Variants in SLC9A9 observed in about 807,000 individuals in gnomAD.
SLC9A9 encodes the protein solute carrier family 9 member A9.
A neutral mutation model predicts 77.8 loss-of-function variants in SLC9A9; 62 were observed. That is an observed-to-expected ratio of 0.80 (90% CI 0.65 to 0.98). SLC9A9 has a LOEUF of 0.98. SLC9A9 is among the 50% of genes least tolerant of loss of function. The pLI is 0.00. For missense variants in SLC9A9, 775 were observed against 774.9 expected, an observed-to-expected ratio of 1.00 and a Z score of 0.00; for synonymous variants, 320 against 283.5, an observed-to-expected ratio of 1.13 and a Z score of -1.29.
chr3:143,684,209 T>G (rs1486818816), intron 5 of SLC9A9, among the ~76,000 whole-genome samples: 1 of 152,030 alleles, frequency 6.6e-6, no homozygotes, highest in Non-Finnish European at 1.5e-5. Flanking sequence ...CAGAACTCAA[T>G]GGGCCTTTTA....
In SLC9A9 at chr3:143,753,059, A is replaced by G. The variant is rs201526677; in HGVS notation, c.533+41942T>C. On this transcript the variant is annotated intron_variant, in intron 4 of 15. Coordinates refer to ENST00000316549, the MANE Select transcript of SLC9A9 (RefSeq NM_173653.4). ...CAGCCAATGAAAAGATTAAAATCAGAGCAGGAGGAATGCTTTATTTACACT... is the reference window on the plus strand; with the variant it reads ...CAGCCAATGAAAAGATTAAAATCAGGGCAGGAGGAATGCTTTATTTACACT... 2.0e-5 allele frequency among the ~76,000 whole-genome samples: 3 copies of G among 152,344 alleles called. No individual in the cohort carries two copies. The East Asian group carries it at 5.8e-4, about 29-fold the overall frequency.
intron 6 of SLC9A9, among the ~76,000 whole-genome samples, chr3:143,586,957 C>G (rs2037550535): frequency 6.6e-6 from 1 of 152,200 alleles, no homozygotes; most frequent in Non-Finnish European, 1.5e-5. Flanking sequence ...GGGGAAACAT[C>G]AATTAACTCT....
At chr3:143,318,067 G>C (rs984074357) in intron 14 of SLC9A9, among the ~76,000 whole-genome samples, 10 of 152,142 alleles carry the variant, frequency 6.6e-5, no homozygotes, top group Non-Finnish European at 1.2e-4. Flanking sequence ...CTGTTTGGAG[G>C]CCTTTGCATC....
intron 13 of SLC9A9, among the ~76,000 whole-genome samples, chr3:143,371,726 G>T (rs144815711): frequency 6.6e-5 from 10 of 152,262 alleles, no homozygotes; most frequent in African/African-American, 2.4e-4. Flanking sequence ...CTAGAATCAG[G>T]CAAGGGAAGG....
chr3:143,825,420 A>AG (rs1435829217), intron 2 of SLC9A9, among the ~76,000 whole-genome samples: 1 of 152,080 alleles, frequency 6.6e-6, no homozygotes, highest in Non-Finnish European at 1.5e-5. Flanking sequence ...GTGAGAAAAA[A>AG]AAAAGGACTT....
chr3:143,660,483 T>C (rs2038962112), intron 5 of SLC9A9, among the ~76,000 whole-genome samples: 1 of 152,234 alleles, frequency 6.6e-6, no homozygotes, highest in Non-Finnish European at 1.5e-5. Context: ...CCTAGAGCTT[T>C]CTGATGAGAA....
At chr3:143,722,639 A>G (rs11712783) in intron 4 of SLC9A9, among the ~76,000 whole-genome samples, 66,761 of 151,494 alleles carry the variant, frequency 0.44, 15,195 homozygotes, top group Non-Finnish European at 0.51. Flanking sequence ...TCTGGCCTTA[A>G]TTTTCTTTTC....
intron 1 of SLC9A9, among the ~76,000 whole-genome samples, chr3:143,844,785 CTTTCT>C (rs1430720941): frequency 7.7e-6 from 1 of 130,026 alleles, no homozygotes; most frequent in Non-Finnish European, 1.6e-5. Flanking sequence ...TTCTTTCTTT[CTTTCT>C]GACACAGTCT....
intron 8 of SLC9A9, among the ~76,000 whole-genome samples, chr3:143,559,968 A>G (rs1228243444): frequency 1.3e-5 from 2 of 152,050 alleles, no homozygotes; most frequent in Non-Finnish European, 2.9e-5. Context: ...GTTTCTTACC[A>G]CTTTGCCTTG....
intron 6 of SLC9A9, among the ~76,000 whole-genome samples, chr3:143,598,563 C>T (rs2037796472): frequency 6.6e-6 from 1 of 152,226 alleles, no homozygotes; most frequent in South Asian, 2.1e-4. Flanking sequence ...ATAACTTCCT[C>T]CAATAGCCTC....
chr3:143,600,216 T>C (rs1239358694), intron 6 of SLC9A9, among the ~76,000 whole-genome samples: 3 of 152,092 alleles, frequency 2.0e-5, no homozygotes, highest in African/African-American at 4.8e-5. Flanking sequence ...TGTGTGATGT[T>C]CCCCTCCCTG....
chr3:143,463,933 T>C (rs1343423165), intron 12 of SLC9A9, among the ~76,000 whole-genome samples: 1 of 152,194 alleles, frequency 6.6e-6, no homozygotes, highest in Non-Finnish European at 1.5e-5. Flanking sequence ...ATACTATCAA[T>C]TTTTGCTTTA....
At chr3:143,716,943 G>A (rs1425409911) in intron 4 of SLC9A9, among the ~76,000 whole-genome samples, 2 of 152,170 alleles carry the variant, frequency 1.3e-5, no homozygotes, top group African/African-American at 2.4e-5. Flanking sequence ...ACCAGGGATG[G>A]GCAAAGGAGG....
intron 4 of SLC9A9, among the ~76,000 whole-genome samples, chr3:143,699,460 C>T (rs1169579583): frequency 6.6e-6 from 1 of 152,186 alleles, no homozygotes; most frequent in Non-Finnish European, 1.5e-5. Context: ...TGCCACTCCT[C>T]CTCCATCTCC....
chr3:143,363,144 A>G (rs1441797097), intron 14 of SLC9A9, among the ~76,000 whole-genome samples: 4 of 152,190 alleles, frequency 2.6e-5, no homozygotes, highest in Non-Finnish European at 4.4e-5. Flanking sequence ...AATGCCCTCA[A>G]TCAAGCAGGC....
chr3:143,411,135 G>A (rs577891311), intron 12 of SLC9A9, among the ~76,000 whole-genome samples: 7 of 152,138 alleles, frequency 4.6e-5, no homozygotes, highest in African/African-American at 1.4e-4. Flanking sequence ...GTGTCATTTC[G>A]GTGTTCTCTA....
Position 143,410,484 on chromosome 3 carries a change from C to T in SLC9A9, c.1470-28370G>A, listed in dbSNP as rs145443643. Among the ~76,000 whole-genome samples the T allele has an allele frequency of 5.2e-3, 787 of 152,292 alleles. 5 individuals are homozygous for T. The highest frequency in any genetic ancestry group is 0.018 in the African/African-American group (740 of 41,562). On this transcript the variant is annotated intron_variant, in intron 12 of 15. Coordinates refer to ENST00000316549, the MANE Select transcript of SLC9A9 (RefSeq NM_173653.4). ...CCAAGCCCAAATTCTTACTCATCTT[C>T]GACTTCTCTTACTTCCTATTTTCTA...
intron 6 of SLC9A9, among the ~76,000 whole-genome samples, chr3:143,622,088 A>G (rs2038225410): frequency 6.6e-6 from 1 of 152,236 alleles, no homozygotes; most frequent in Non-Finnish European, 1.5e-5. Flanking sequence ...AGAAATGAAC[A>G]AAGCCTCCAA....
At chr3:143,336,785 C>T (rs1034109425) in intron 14 of SLC9A9, among the ~76,000 whole-genome samples, 5 of 152,000 alleles carry the variant, frequency 3.3e-5, no homozygotes, top group African/African-American at 1.2e-4. Flanking sequence ...TTCAGTTTTA[C>T]AGGATAAAAA....
Sources: allele counts gnomAD v4.1 joint callset (sites outside exome capture counted in the v4.1 genomes callset), GRCh38; gene constraint gnomAD v4.1.1; transcripts MANE v1.5; gene names NCBI Gene and HGNC (gene_info 2026-07-23, HGNC 2026-07-21).